The following TYW1B variants were observed in gnomAD, a reference collection of about 807,000 sequenced individuals.
The protein encoded by TYW1B is S-adenosyl-L-methionine-dependent tRNA 4-demethylwyosine synthase TYW1B.
TYW1B carries 73 observed loss-of-function variants against 86.9 expected under a neutral mutation model. That is an observed-to-expected ratio of 0.84 (90% CI 0.70 to 1.02). TYW1B has a LOEUF of 1.02. Ranked by LOEUF, TYW1B falls within the 50% of genes least tolerant of loss-of-function variation. The probability of loss-of-function intolerance (pLI) is 0.00; values close to 1 mark genes in which losing one functional copy is unlikely to be tolerated. For synonymous variants in TYW1B, 248 were observed against 292.8 expected, an observed-to-expected ratio of 0.85 and a Z score of 1.56; for missense variants, 637 against 827.4, an observed-to-expected ratio of 0.77 and a Z score of 2.82.
intron 11 of TYW1B, among the ~76,000 whole-genome samples, chr7:72,662,472 T>C (rs1221087510): frequency 1.2e-4 from 19 of 152,198 alleles, no homozygotes; most frequent in African/African-American, 3.9e-4. Context: ...GATAGATAGA[T>C]AGATAAATTT....
At chr7:72,686,917 A>G (rs534387943) in intron 11 of TYW1B, among the ~76,000 whole-genome samples, 3 of 152,300 alleles carry the variant, frequency 2.0e-5, no homozygotes, top group South Asian at 2.1e-4. Flanking sequence ...ACCTTATGCA[A>G]TACCCCAAAT....
chr7:72,821,083 G>C (rs1196161427), intron 2 of TYW1B, among the ~76,000 whole-genome samples: 7 of 152,112 alleles, frequency 4.6e-5, no homozygotes, highest in Non-Finnish European at 1.0e-4. Context: ...AGTGATTCTC[G>C]TGCCTTAGCC....
intron 10 of TYW1B, among the ~76,000 whole-genome samples, chr7:72,703,011 TATATATATA>T (rs1814515498): frequency 1.6e-4 from 5 of 32,248 alleles, no homozygotes; most frequent in African/African-American, 9.8e-5. Flanking sequence ...TATATATATA[TATATATATA>T]TATATATTTT....
Position 72,575,165 on chromosome 7 carries a change from C to T in TYW1B, c.*333G>A. ...AGGGATTTCTTCCTTGTCTGACACT[C>T]TCAGGACTAGCATTCTGGCAGGTCT... is the stretch of plus-strand genomic sequence containing the variant. On this transcript the variant is annotated 3_prime_UTR_variant, in exon 14 of 14. Transcript: ENST00000620995. The T allele has an allele frequency of 2.4e-5, 27 of 1,103,396 alleles. No individual in the cohort carries two copies. Among genetic ancestry groups the T allele is most frequent in the Non-Finnish European group, 3.0e-5 (27 of 903,828 alleles). The allele number at this position is 1,103,396 out of a possible 1,614,324, so 68.4% of individuals were successfully genotyped here.
At chr7:72,719,875 T>C (rs1258114597) in intron 9 of TYW1B, among the ~76,000 whole-genome samples, 1 of 152,042 alleles carries the variant, frequency 6.6e-6, no homozygotes, top group Non-Finnish European at 1.5e-5. Context: ...GCCTGCCTGA[T>C]TATGTCTAGG....
At chr7:72,673,196 C>T (rs1813653894) in intron 11 of TYW1B, among the ~76,000 whole-genome samples, 1 of 152,150 alleles carries the variant, frequency 6.6e-6, no homozygotes, top group South Asian at 2.1e-4. Context: ...CAAATAACTA[C>T]AGGTTTTGAA....
intron 8 of TYW1B, among the ~76,000 whole-genome samples, chr7:72,740,981 C>T (rs1231373615): frequency 1.9e-4 from 29 of 152,136 alleles, no homozygotes; most frequent in East Asian, 7.7e-4. Flanking sequence ...CTGCCCACCT[C>T]GGCCTCCCAA....
At chr7:72,759,067 A>G (rs1554466740) in intron 7 of TYW1B, among the ~76,000 whole-genome samples, 1 of 152,198 alleles carries the variant, frequency 6.6e-6, no homozygotes. Flanking sequence ...GCGGTAGCTT[A>G]TGCCTGTAAT....
At chr7:72,740,562 C>T (rs6979344) in intron 8 of TYW1B, among the ~76,000 whole-genome samples, 102,689 of 148,016 alleles carry the variant, frequency 0.69, 36,382 homozygotes, top group Non-Finnish European at 0.77. Context: ...GAGCTTAAGA[C>T]ACAGACTTCA....
rs149648442 is a variant in TYW1B, at chr7:72,670,378, A to T, written c.1506+24309T>A. ...AACTAATTCTGTATTTTTAGTAGAG[A>T]GGGGGTTTCCCCATGTTGGTCAGGC... On this transcript the variant is annotated intron_variant, in intron 11 of 13. Transcript: ENST00000620995. 9.2e-3 allele frequency among the ~76,000 whole-genome samples: 1,397 copies of T among 152,234 alleles called. 24 individuals carry two copies. The highest frequency in any genetic ancestry group is 0.032 in the African/African-American group (1,329 of 41,550).
At chr7:72,643,465 T>C (rs1210659336) in intron 11 of TYW1B, among the ~76,000 whole-genome samples, 1 of 151,872 alleles carries the variant, frequency 6.6e-6, no homozygotes, top group Admixed American at 6.6e-5. Flanking sequence ...TGCATGCCTG[T>C]AGTCCCAGCT....
intron 11 of TYW1B, among the ~76,000 whole-genome samples, chr7:72,678,619 C>CTTTTTTTT (rs56738372): frequency 1.3e-4 from 14 of 110,406 alleles, no homozygotes; most frequent in Non-Finnish European, 2.2e-4. Flanking sequence ...AATTCCAGCA[C>CTTTTTTTT]TTTTTTTTTT....
At chr7:72,767,489 AG>A (rs1319881867) in intron 7 of TYW1B, among the ~76,000 whole-genome samples, 1 of 152,062 alleles carries the variant, frequency 6.6e-6, no homozygotes, top group African/African-American at 2.4e-5. Context: ...GGGCGCCTGT[AG>A]TCCCAGCTAC....
intron 7 of TYW1B, among the ~76,000 whole-genome samples, chr7:72,772,184 A>G (rs1317337991): frequency 6.6e-6 from 1 of 151,872 alleles, no homozygotes; most frequent in Non-Finnish European, 1.5e-5. Context: ...TTATACGAGG[A>G]GATTTTAACC....
chr7:72,806,510 T>G (rs1341853693), intron 5 of TYW1B, among the ~76,000 whole-genome samples: 2 of 151,862 alleles, frequency 1.3e-5, no homozygotes, highest in African/African-American at 4.8e-5. Flanking sequence ...GTGCTGGGAT[T>G]ACAAGCGTGA....
At chr7:72,802,919 C>T (rs1418266137) in intron 5 of TYW1B, among the ~76,000 whole-genome samples, 2 of 152,136 alleles carry the variant, frequency 1.3e-5, no homozygotes, top group Non-Finnish European at 2.9e-5. Context: ...CAGCGCTCGG[C>T]TGTCTATAAA....
chr7:72,793,952 TC>T (rs1554474035), intron 6 of TYW1B, among the ~76,000 whole-genome samples: 1 of 152,042 alleles, frequency 6.6e-6, no homozygotes, highest in Admixed American at 6.6e-5. Flanking sequence ...AAACTGCCAA[TC>T]CAGCCTCTCA....
At chr7:72,579,849 CT>C (rs1361876877) in intron 13 of TYW1B, among the ~76,000 whole-genome samples, 5 of 152,154 alleles carry the variant, frequency 3.3e-5, no homozygotes, top group African/African-American at 1.2e-4. Context: ...AAGGGTCTAG[CT>C]ATTTTGCCCA....
chr7:72,664,568 T>C (rs1308966549), intron 11 of TYW1B, among the ~76,000 whole-genome samples: 6 of 151,838 alleles, frequency 4.0e-5, no homozygotes, highest in East Asian at 1.9e-4. Flanking sequence ...CATGGACACA[T>C]AGAGAGGAAC....
Sources: allele counts gnomAD v4.1 joint callset (sites outside exome capture counted in the v4.1 genomes callset), GRCh38; gene constraint gnomAD v4.1.1; transcripts MANE v1.5; gene names NCBI Gene and HGNC (gene_info 2026-07-23, HGNC 2026-07-21).